Variants in ADARB1 observed in about 807,000 individuals in gnomAD.
ADARB1 encodes adenosine deaminase RNA specific B1.
ADARB1 carries 10 observed loss-of-function variants against 52.4 expected under a neutral mutation model. The ratio of observed to expected loss-of-function variants is 0.19; its 90% CI spans 0.12 to 0.32. The LOEUF is 0.32. ADARB1 is among the 10% of genes least tolerant of loss of function. The pLI is 1.00. For missense variants in ADARB1, 643 were observed against 922.3 expected (o/e 0.70, Z 3.92); for synonymous variants, 349 against 371.1 (o/e 0.94, Z 0.68).
intron 1 of ADARB1, among the ~76,000 whole-genome samples, chr21:45,076,673 C>A (rs2085949334): frequency 1.3e-5 from 2 of 152,186 alleles, no homozygotes; most frequent in South Asian, 4.1e-4. Flanking sequence ...CAAAAAACAT[C>A]TTGGCTCAGA....
At chr21:45,205,545 G>A (rs1345107019) in intron 9 of ADARB1, among the ~76,000 whole-genome samples, 1 of 152,202 alleles carries the variant, frequency 6.6e-6, no homozygotes, top group African/African-American at 2.4e-5. Flanking sequence ...TGTTGGCTCC[G>A]AGAGATGGTG....
In ADARB1 at chr21:45,178,880, G is replaced by A. The variant is rs116244229; in HGVS notation, c.964-1450G>A. 6.9e-3 allele frequency among the ~76,000 whole-genome samples: 1,055 copies of A among 152,234 alleles called. 15 individuals carry two copies. The highest frequency in any genetic ancestry group is 9.7e-3 in the Non-Finnish European group (663 of 68,016). ...CTGGCCATGTGCCTCAGATGTCTGC[G>A]TTAACAAGCATCAGCCCCAGCACCA... is the stretch of plus-strand genomic sequence containing the variant. On this transcript the variant is annotated intron_variant, in intron 4 of 10. Transcript: ENST00000348831.
chr21:45,162,021 G>T (rs903682732), intron 2 of ADARB1, among the ~76,000 whole-genome samples: 2 of 152,136 alleles, frequency 1.3e-5, no homozygotes, highest in African/African-American at 2.4e-5. Context: ...AAGAACTCAG[G>T]ACCTGCTGAA....
At chr21:45,148,059 C>T (rs2090096099) in intron 2 of ADARB1, among the ~76,000 whole-genome samples, 1 of 152,194 alleles carries the variant, frequency 6.6e-6, no homozygotes. Context: ...AACAGGCGTT[C>T]TCCCCTCCCA....
In ADARB1 at chr21:45,204,502, G is replaced by C. The variant is rs929900126; in HGVS notation, c.1566-53G>C. ...TAACCACGCAGGCTTGGGCTGGGCT[G>C]CGTCGACACTGAGTCCGAGCTCCCT... On this transcript the variant is annotated intron_variant, in intron 8 of 10. Coordinates refer to ENST00000348831, the MANE Select transcript of ADARB1 (RefSeq NM_001112.4). This position sits in a 1 kb window ranked among gnomAD's most constrained non-coding sequence, Gnocchi z 4.4. The C allele has an allele frequency of 4.4e-6, 7 of 1,577,122 alleles. No homozygotes were observed. Among genetic ancestry groups the C allele is most frequent in the Non-Finnish European group, 6.1e-6 (7 of 1,154,696 alleles).
At chr21:45,100,026 G>C (rs761562000) in intron 1 of ADARB1, among the ~76,000 whole-genome samples, 5 of 152,216 alleles carry the variant, frequency 3.3e-5, no homozygotes, top group South Asian at 2.1e-4. Flanking sequence ...TGTAAAACTT[G>C]TGTGAACTGA....
intron 1 of ADARB1, among the ~76,000 whole-genome samples, chr21:45,077,659 G>A (rs1305505097): frequency 1.3e-5 from 2 of 149,964 alleles, no homozygotes; most frequent in Non-Finnish European, 3.0e-5. Context: ...AGAGCGAGAC[G>A]CCGTCTAAAA....
At chr21:45,132,217 A>G (rs1407383323) in intron 2 of ADARB1, 1 of 152,204 alleles carries the variant, frequency 6.6e-6, no homozygotes, top group Admixed American at 6.5e-5. Flanking sequence ...GTCACCAGGA[A>G]GCTGTCAGTG....
rs558387445 is a variant in ADARB1, at chr21:45,225,738, T to C, written c.*3541T>C. The C allele has an allele frequency of 3.1e-4, 139 of 448,388 alleles. No homozygotes were observed. The highest frequency in any genetic ancestry group is 2.5e-3 in the African/African-American group (123 of 49,690). The allele number at this position is 448,388 out of a possible 1,614,324, so 27.8% of individuals were successfully genotyped here. A position where few individuals can be genotyped will look rare whatever the true frequency, so the allele number is the denominator to read the frequency against. On this transcript the variant is annotated 3_prime_UTR_variant, in exon 11 of 11. Coordinates refer to ENST00000348831, the MANE Select transcript of ADARB1 (RefSeq NM_001112.4). ...CTGCCCCAGGCATAAAGAAGGAAAA[T>C]TGGCCATCTTTCCCACCTCTAAATT...
At chr21:45,175,695 A>G (rs756062092) in intron 3 of ADARB1, 35 bp from the exon 4 acceptor site, 5 of 1,605,132 alleles carry the variant, frequency 3.1e-6, no homozygotes, top group Non-Finnish European at 4.3e-6. Flanking sequence ...TCCTGCAACG[A>G]AGGCATTGTA....
chr21:45,154,975 G>A (rs1005225046), intron 2 of ADARB1, among the ~76,000 whole-genome samples: 1 of 152,184 alleles, frequency 6.6e-6, no homozygotes, highest in African/African-American at 2.4e-5. Context: ...CAGTGGGAGG[G>A]GAGAGAGATG....
intron 8 of ADARB1, among the ~76,000 whole-genome samples, chr21:45,196,460 A>G (rs1327707289): frequency 1.3e-5 from 2 of 152,254 alleles, no homozygotes; most frequent in Non-Finnish European, 1.5e-5. Flanking sequence ...GTTTTTAGCT[A>G]CACTAAAAAA....
At chr21:45,205,113 CAGCCAGATGA>C (rs2092641407) in intron 9 of ADARB1, among the ~76,000 whole-genome samples, 3 of 152,012 alleles carry the variant, frequency 2.0e-5, no homozygotes, top group Non-Finnish European at 2.9e-5. Context: ...ACAAAAAAAT[CAGCCAGATGA>C]GGTGGGGCAT....
Position 45,222,569 on chromosome 21 carries a change from ATAAT to A in ADARB1, c.*374_*377del, listed in dbSNP as rs2092985645. The A allele has an allele frequency of 1.9e-6, 2 of 1,034,182 alleles. No homozygotes were observed. The highest frequency in any genetic ancestry group is 9.0e-5 in the South Asian group (2 of 22,164). The allele number at this position is 1,034,182 out of a possible 1,614,324, so 64.1% of individuals were successfully genotyped here. ...TACTTTGTGTGAAATTCTTGAATAA[ATAAT>A]TTATTCAGAGCTAGGAATGTGGTTT... On this transcript the variant is annotated 3_prime_UTR_variant, in exon 11 of 11. Transcript: ENST00000348831.
rs770007519 is a variant in ADARB1 at position 45,162,186 on chromosome 21, G to A, written c.-47-9424G>A. Among the ~76,000 whole-genome samples the A allele has an allele frequency of 7.4e-4, 112 of 152,326 alleles. No individual in the cohort carries two copies. In the Middle Eastern group the frequency reaches 0.014, roughly 19 times the overall value. On this transcript the variant is annotated intron_variant, in intron 2 of 10. Transcript: ENST00000348831. The stretch of plus-strand genomic sequence containing the variant: ...GAGCTCCCTGAGCCAGGGCAGTGAC[G>A]CCCCCTTTGGGGCCCTGCGGTTCCT...
chr21:45,136,459 T>A (rs1448827673), intron 2 of ADARB1, among the ~76,000 whole-genome samples: 4 of 152,182 alleles, frequency 2.6e-5, no homozygotes, highest in Non-Finnish European at 4.4e-5. Context: ...CTGCTGCTTG[T>A]GAAGTGGGCT....
chr21:45,222,689 T>C lies in ADARB1; in HGVS notation c.*492T>C, dbSNP rs2092987021. ...CTATATATGGAGGAGGGTGGGAAAA[T>C]AGAGGTAGGAAATAGTAGCCTAAAG... is the stretch of plus-strand genomic sequence containing the variant. On this transcript the variant is annotated 3_prime_UTR_variant, in exon 11 of 11. Transcript: ENST00000348831. 1 of 986,530 alleles carries C rather than the reference T, an allele frequency of 1.0e-6. No individual in the cohort carries two copies. The highest frequency in any genetic ancestry group is 1.2e-6 in the Non-Finnish European group (1 of 830,758). 61.1% of individuals were successfully genotyped at this position (986,530 alleles called of 1,614,324 possible). A position where few individuals can be genotyped will look rare whatever the true frequency, so the allele number is the denominator to read the frequency against.
chr21:45,140,431 C>A (rs1320321632), intron 2 of ADARB1, among the ~76,000 whole-genome samples: 1 of 152,172 alleles, frequency 6.6e-6, no homozygotes, highest in Non-Finnish European at 1.5e-5. Flanking sequence ...AGGTACAGGT[C>A]CGCCCCTGGC....
intron 2 of ADARB1, among the ~76,000 whole-genome samples, chr21:45,136,167 G>T (rs1354376247): frequency 6.6e-6 from 1 of 152,164 alleles, no homozygotes; most frequent in African/African-American, 2.4e-5. Flanking sequence ...GCTGCTGTGA[G>T]GACTCGCTCT....
Sources: allele counts gnomAD v4.1 joint callset (sites outside exome capture counted in the v4.1 genomes callset), GRCh38; gene constraint gnomAD v4.1.1; non-coding constraint Gnocchi (gnomAD v3.1); transcripts MANE v1.5; gene names NCBI Gene and HGNC (gene_info 2026-07-23, HGNC 2026-07-21).